AGBL1: variants seen among roughly 807,000 people sequenced by gnomAD.
The protein encoded by AGBL1 is AGBL carboxypeptidase 1.
Under a neutral mutation model 118.9 loss-of-function variants are expected in AGBL1, and 130 were observed. The observed-to-expected ratio is 1.09, with a 90% CI of 0.95 to 1.26. The LOEUF is 1.26. Among genes scored for constraint, AGBL1 ranks in the 50% most tolerant of loss-of-function variants. The pLI, the probability that AGBL1 is intolerant of heterozygous loss-of-function variation, is 0.00. For synonymous variants in AGBL1, 555 were observed against 478.9 expected, an observed-to-expected ratio of 1.16 and a Z score of -2.08; for missense variants, 1,584 against 1,298.1, an observed-to-expected ratio of 1.22 and a Z score of -3.38.
chr15:86,147,620 A>G (rs1015000024), intron 3 of AGBL1, among the ~76,000 whole-genome samples: 1 of 152,212 alleles, frequency 6.6e-6, no homozygotes, highest in East Asian at 1.9e-4. Flanking sequence ...CCAACTGGGT[A>G]GAGCCCACCA....
At position 86,589,659 on chromosome 15, in the gene AGBL1, C is replaced by G. The variant is rs116678052; in HGVS notation, c.2994+35122C>G. On this transcript the variant is annotated intron_variant, in intron 21 of 22. Coordinates refer to ENST00000614907, the MANE Select transcript of AGBL1 (RefSeq NM_001386094.1). ...ATGATCACCAGTTGATCTTTGCTTT[C>G]TTCACTTGGATTTGCCAAATGGTTT... Among the ~76,000 whole-genome samples, 1,344 of 152,282 alleles carry G rather than the reference C, an allele frequency of 8.8e-3. 27 individuals are homozygous for G. Among genetic ancestry groups the G allele is most frequent in the African/African-American group, 0.031 (1,300 of 41,552 alleles).
At chr15:86,257,696 G>T (rs2078918841) in intron 8 of AGBL1, among the ~76,000 whole-genome samples, 1 of 152,116 alleles carries the variant, frequency 6.6e-6, no homozygotes, top group Non-Finnish European at 1.5e-5. Context: ...ATCCAGAGTG[G>T]TATTCATGTG....
intron 21 of AGBL1, among the ~76,000 whole-genome samples, chr15:86,571,400 G>C (rs903602127): frequency 6.6e-6 from 1 of 152,154 alleles, no homozygotes; most frequent in African/African-American, 2.4e-5. Context: ...AGATGAAGAG[G>C]AGCGTTATTG....
At chr15:86,410,807 G>GATAGATATATATAT (rs1555481487) in intron 18 of AGBL1, among the ~76,000 whole-genome samples, 1 of 40,398 alleles carries the variant, frequency 2.5e-5, no homozygotes, top group African/African-American at 1.0e-4. Flanking sequence ...GTCAAATGTA[G>GATAGATATATATAT]ATATATATAT....
intron 20 of AGBL1, among the ~76,000 whole-genome samples, chr15:86,553,310 C>T (rs1174941797): frequency 5.9e-5 from 9 of 152,146 alleles, no homozygotes; most frequent in African/African-American, 9.7e-5. Flanking sequence ...AGTCATTGTC[C>T]TCTGGGGAGG....
chr15:86,902,870 A>T (rs540017091), intron 22 of AGBL1, among the ~76,000 whole-genome samples: 1 of 152,236 alleles, frequency 6.6e-6, no homozygotes, highest in Non-Finnish European at 1.5e-5. Flanking sequence ...ATTAGCTATC[A>T]TCTGTCTTTG....
downstream of AGBL1, among the ~76,000 whole-genome samples, chr15:86,919,202 A>C (rs1052111583): frequency 2.0e-5 from 3 of 152,196 alleles, no homozygotes; most frequent in African/African-American, 7.2e-5. Context: ...TCAACCTAAA[A>C]ATTAATGCTA....
rs559266294 is a variant in AGBL1, at chr15:86,857,878, C to T, written c.3159-49209C>T. On this transcript the variant is annotated intron_variant, in intron 22 of 22. Transcript: ENST00000614907. Reference sequence around the variant, plus strand: ...TCTTTCATTTATTTCTCTTTGGTGTCTTCTGCATTCCACAAGCTCTTTCCC... The same window carrying T: ...TCTTTCATTTATTTCTCTTTGGTGTTTTCTGCATTCCACAAGCTCTTTCCC... Among the ~76,000 whole-genome samples the T allele has an allele frequency of 6.0e-4, 91 of 152,306 alleles. 1 individual carries two copies. The highest frequency in any genetic ancestry group is 2.0e-3 in the African/African-American group (83 of 41,586).
intron 17 of AGBL1, among the ~76,000 whole-genome samples, chr15:86,393,575 T>G (rs2081319232): frequency 6.6e-6 from 1 of 152,202 alleles, no homozygotes; most frequent in Non-Finnish European, 1.5e-5. Flanking sequence ...CAACACAGCT[T>G]GCTTTGGAAA....
chr15:86,642,697 T>C (rs1213578589), intron 21 of AGBL1, among the ~76,000 whole-genome samples: 1 of 152,116 alleles, frequency 6.6e-6, no homozygotes, highest in African/African-American at 2.4e-5. Flanking sequence ...TGGTGAATTA[T>C]TCCTTACATC....
intron 21 of AGBL1, among the ~76,000 whole-genome samples, chr15:86,617,806 CGAGAGA>C: frequency 1.3e-5 from 2 of 149,884 alleles, no homozygotes; most frequent in East Asian, 3.9e-4. Flanking sequence ...CCAGCCAGAG[CGAGAGA>C]GAAAGAGATT....
intron 17 of AGBL1, among the ~76,000 whole-genome samples, chr15:86,327,659 C>A (rs751391356): frequency 5.3e-5 from 8 of 152,156 alleles, no homozygotes; most frequent in Non-Finnish European, 1.0e-4. Context: ...CCATTGTGAG[C>A]ATATGGCATT....
intron 18 of AGBL1, among the ~76,000 whole-genome samples, chr15:86,449,745 G>T (rs2082169846): frequency 6.6e-6 from 1 of 152,226 alleles, no homozygotes; most frequent in Non-Finnish European, 1.5e-5. Context: ...GTCCAGCTAA[G>T]GCAGCCTCCT....
chr15:86,504,450 G>T (rs1487346081), intron 18 of AGBL1, among the ~76,000 whole-genome samples: 4 of 151,268 alleles, frequency 2.6e-5, no homozygotes, highest in Non-Finnish European at 4.4e-5. Flanking sequence ...ATGTCATTTT[G>T]CTATCAGTTT....
intron 22 of AGBL1, among the ~76,000 whole-genome samples, chr15:86,828,792 C>T (rs2079065563): frequency 6.6e-6 from 1 of 151,636 alleles, no homozygotes; most frequent in South Asian, 2.1e-4. Context: ...AGGAATATGC[C>T]ATTAGTATCA....
chr15:86,692,836 C>T (rs971848146), intron 22 of AGBL1, among the ~76,000 whole-genome samples: 8 of 152,116 alleles, frequency 5.3e-5, no homozygotes, highest in African/African-American at 1.9e-4. Context: ...TGAGCTTCCA[C>T]TTATGAGTGA....
At chr15:87,024,735 A>G (rs1452992148) in intron 24 of AGBL1, among the ~76,000 whole-genome samples, 1 of 152,116 alleles carries the variant, frequency 6.6e-6, no homozygotes, top group East Asian at 1.9e-4. Flanking sequence ...AAAATCCTCA[A>G]CAAAATACTA....
In AGBL1 at chr15:86,142,053, A is replaced by T. The variant is rs2141646840; in HGVS notation, c.101A>T (p.Asp34Val). ...SILTILKVLGDLLSVGTDRRI... is the reference protein window; with the variant it reads ...SILTILKVLGVLLSVGTDRRI... ...CTGACCATCCTCAAGGTCCTCGGAG[A>T]TCTGCTTTCTGTTGGTGAGTAGGCC... Residue 34 changes from aspartate to valine, a missense_variant, in exon 2 of 23, where the codon GAT becomes GTT. Physicochemically the swap from Asp to Val is radical, Grantham distance 152 (BLOSUM62 -3). Coordinates refer to ENST00000614907, the MANE Select transcript of AGBL1 (RefSeq NM_001386094.1). 1.3e-6 allele frequency: 2 copies of T among 1,550,148 alleles called. No homozygotes were observed. The highest frequency in any genetic ancestry group is 1.2e-5 in the South Asian group (1 of 83,940).
chr15:86,105,877 A>G (rs1452192426), intron 1 of AGBL1, among the ~76,000 whole-genome samples: 1 of 152,248 alleles, frequency 6.6e-6, no homozygotes, highest in East Asian at 1.9e-4. Context: ...AGTTTTACAC[A>G]TGCAGTTTTA....
Sources: allele counts gnomAD v4.1 joint callset (sites outside exome capture counted in the v4.1 genomes callset), GRCh38; gene constraint gnomAD v4.1.1; transcripts MANE v1.5; gene names NCBI Gene and HGNC (gene_info 2026-07-23, HGNC 2026-07-21).